Variants in NTRK2 observed in about 807,000 individuals in gnomAD.
NTRK2 encodes BDNF/NT-3 growth factors receptor.
NTRK2 carries 13 observed loss-of-function variants against 94.5 expected under a neutral mutation model. The observed-to-expected ratio is 0.14, with a 90% CI of 0.09 to 0.22. The LOEUF is 0.22. NTRK2 is among the 10% of genes least tolerant of loss of function. The pLI is 1.00. For missense variants in NTRK2, 639 were observed against 1,071.2 expected, an observed-to-expected ratio of 0.60 and a Z score of 5.63; for synonymous variants, 372 against 407.4, an observed-to-expected ratio of 0.91 and a Z score of 1.05.
chr9:84,898,505 CTTTCTTTTTT>C (rs2076827418), intron 14 of NTRK2, among the ~76,000 whole-genome samples: 1 of 150,462 alleles, frequency 6.6e-6, no homozygotes, highest in East Asian at 1.9e-4. Flanking sequence ...CTTTCTTTTT[CTTTCTTTTTT>C]TTCTCGTTCT....
intron 17 of NTRK2, among the ~76,000 whole-genome samples, chr9:84,977,250 T>G (rs1826995764): frequency 7.0e-6 from 1 of 142,366 alleles, no homozygotes; most frequent in Non-Finnish European, 1.5e-5. Flanking sequence ...AACTCACATC[T>G]GAATAAAGTG....
At chr9:84,687,546 C>G (rs987227824) in intron 2 of NTRK2, among the ~76,000 whole-genome samples, 1 of 152,166 alleles carries the variant, frequency 6.6e-6, no homozygotes, top group Admixed American at 6.6e-5. Flanking sequence ...CCAGTCTACA[C>G]TAGAATCCAT....
At position 84,886,216 on chromosome 9, in the gene NTRK2, G is replaced by A. The variant is rs146947682; in HGVS notation, c.1633+18785G>A. ...AGAATTTGTTGTGGACTCAGGTAAA[G>A]CAGTGCCACACAAAGAAATTCACCC... On this transcript the variant is annotated intron_variant, in intron 14 of 18. Transcript: ENST00000277120. Among the ~76,000 whole-genome samples, 10 of 152,262 alleles carry A rather than the reference G, an allele frequency of 6.6e-5. 1 individual carries two copies. The highest frequency in any genetic ancestry group is 2.2e-4 in the African/African-American group (9 of 41,550).
intron 12 of NTRK2, chr9:84,811,762 C>A: frequency 2.8e-6 from 3 of 1,065,580 alleles, no homozygotes; most frequent in Non-Finnish European, 3.4e-6. Context: ...GAGAGGGCAG[C>A]CTTAGAGCTG....
rs1383226532 is a variant in NTRK2, at chr9:84,670,503, G to C, written c.-246G>C. 5 of 536,174 alleles carry C rather than the reference G, an allele frequency of 9.3e-6. No individual in the cohort carries two copies. Among genetic ancestry groups the C allele is most frequent in the East Asian group, 3.1e-5 (1 of 31,996 alleles). The allele number at this position is 536,174 out of a possible 1,614,324, so 33.2% of individuals were successfully genotyped here. A position where few individuals can be genotyped will look rare whatever the true frequency, so the allele number is the denominator to read the frequency against. The stretch of plus-strand genomic sequence containing the variant: ...GCAGCGACGGCCGCCGCGGAGCTCC[G>C]AGCAGCGGTAGCGCCCCCCTGTAAA... On this transcript the variant is annotated 5_prime_UTR_variant, in exon 2 of 19. Coordinates refer to ENST00000277120, the MANE Select transcript of NTRK2 (RefSeq NM_006180.6).
chr9:84,873,881 G>T, intron 14 of NTRK2: 1 of 1,061,082 alleles, frequency 9.4e-7, no homozygotes, highest in Middle Eastern at 4.2e-4. Context: ...CAAAAATAAA[G>T]ATTATGGATT....
At chr9:84,808,958 C>T (rs2071432818) in intron 12 of NTRK2, among the ~76,000 whole-genome samples, 1 of 152,084 alleles carries the variant, frequency 6.6e-6, no homozygotes, top group Non-Finnish European at 1.5e-5. Context: ...AGGCGTCTTC[C>T]AAAGTTGAAC....
Position 84,974,401 on chromosome 9 carries a change from A to G in NTRK2, c.2172+18884A>G, listed in dbSNP as rs113606665. On this transcript the variant is annotated intron_variant, in intron 17 of 18. Transcript: ENST00000277120. ...TGTGCTACTTGGTGGTGTGCAAAGT[A>G]AGTCAAACATTGTCAACCATTGTCA... Among the ~76,000 whole-genome samples, 513 of 152,316 alleles carry G rather than the reference A, an allele frequency of 3.4e-3. 4 individuals are homozygous for G. The highest frequency in any genetic ancestry group is 0.012 in the African/African-American group (480 of 41,572).
At chr9:84,723,359 A>T (rs1181810837) in intron 6 of NTRK2, among the ~76,000 whole-genome samples, 1 of 152,194 alleles carries the variant, frequency 6.6e-6, no homozygotes, top group African/African-American at 2.4e-5. Flanking sequence ...TAATGTGCAT[A>T]ATTTATTTTG....
intron 12 of NTRK2, among the ~76,000 whole-genome samples, chr9:84,790,187 G>A (rs771996524): frequency 3.3e-5 from 5 of 151,962 alleles, no homozygotes; most frequent in African/African-American, 9.7e-5. Flanking sequence ...TCAAGCAAAC[G>A]TTTAGTTTAA....
chr9:85,005,269 G>T (rs1830829747), intron 17 of NTRK2, among the ~76,000 whole-genome samples: 1 of 152,202 alleles, frequency 6.6e-6, no homozygotes, highest in Non-Finnish European at 1.5e-5. Context: ...AGCTGGTCAT[G>T]CCACCAGGTG....
chr9:84,723,971 G>A (rs925238778), intron 7 of NTRK2, among the ~76,000 whole-genome samples: 8 of 152,182 alleles, frequency 5.3e-5, no homozygotes, highest in African/African-American at 1.2e-4. Context: ...TGAACAAAGC[G>A]AGTGACTTTC....
intron 12 of NTRK2, among the ~76,000 whole-genome samples, chr9:84,783,369 T>G (rs1449027929): frequency 6.6e-6 from 1 of 152,242 alleles, no homozygotes; most frequent in African/African-American, 2.4e-5. Flanking sequence ...TCACGTTCTT[T>G]ACTTGACTTG....
At chr9:84,744,775 T>C (rs981221378) in intron 10 of NTRK2, among the ~76,000 whole-genome samples, 198 bp from the exon 11 acceptor site, 2 of 152,110 alleles carry the variant, frequency 1.3e-5, no homozygotes, top group African/African-American at 4.8e-5. Flanking sequence ...TTGAATAAAA[T>C]GTGGGCGTTG....
At chr9:84,922,185 A>C (rs1258043022) in intron 14 of NTRK2, among the ~76,000 whole-genome samples, 1 of 152,182 alleles carries the variant, frequency 6.6e-6, no homozygotes, top group Non-Finnish European at 1.5e-5. Context: ...TTGTTCTTTC[A>C]TGCGGACACG....
intron 12 of NTRK2, among the ~76,000 whole-genome samples, chr9:84,818,505 T>C (rs1378335812): frequency 6.6e-6 from 1 of 152,224 alleles, no homozygotes. Context: ...CCTTTTCAGA[T>C]CTTGACTTGC....
intron 12 of NTRK2, among the ~76,000 whole-genome samples, chr9:84,845,305 A>C (rs554466573): frequency 2.8e-4 from 42 of 151,448 alleles, no homozygotes; most frequent in African/African-American, 7.8e-4. Flanking sequence ...ATTTGTTTCT[A>C]TTTATTTGTG....
chr9:84,970,467 C>T (rs929496619), intron 17 of NTRK2, among the ~76,000 whole-genome samples: 1 of 151,904 alleles, frequency 6.6e-6, no homozygotes, highest in African/African-American at 2.4e-5. Flanking sequence ...TTAAGTGCAC[C>T]TTAAATAGTG....
chr9:84,924,614 A>G (rs1005728319), intron 14 of NTRK2, among the ~76,000 whole-genome samples: 27 of 152,248 alleles, frequency 1.8e-4, no homozygotes, highest in African/African-American at 5.3e-4. Context: ...CGAAGGATGT[A>G]CCGTATGTGT....
Sources: gnomAD v4.1 joint callset for allele counts (sites outside exome capture counted in the v4.1 genomes callset) on GRCh38, gnomAD v4.1.1 for gene constraint, MANE v1.5 for transcripts, NCBI Gene and HGNC (gene_info 2026-07-23, HGNC 2026-07-21) for gene names.